The following ATRNL1 variants were observed in gnomAD, a reference collection of about 807,000 sequenced individuals.
The protein encoded by ATRNL1 is attractin like 1, also known as attractin-like protein 1.
ATRNL1 carries 95 observed loss-of-function variants against 182.7 expected under a neutral mutation model. That is an observed-to-expected ratio of 0.52 (90% CI 0.44 to 0.62). The LOEUF (loss-of-function observed/expected upper bound fraction) is 0.62. Ranked by LOEUF, ATRNL1 falls within the 20% of genes least tolerant of loss-of-function variation. The probability of loss-of-function intolerance (pLI) is 0.00; values close to 1 mark genes in which losing one functional copy is unlikely to be tolerated. For missense variants in ATRNL1, 1,471 were observed against 1,679.5 expected (o/e 0.88, Z 2.17); for synonymous variants, 576 against 568.3 (o/e 1.01, Z -0.19).
chr10:115,290,436 C>T (rs1554920494), intron 15 of ATRNL1, among the ~76,000 whole-genome samples: 1 of 152,156 alleles, frequency 6.6e-6, no homozygotes, highest in Non-Finnish European at 1.5e-5. Context: ...GAATGGATCA[C>T]CTGAGATCAG....
intron 26 of ATRNL1, among the ~76,000 whole-genome samples, chr10:115,580,837 C>A (rs1226380941): frequency 6.6e-6 from 1 of 151,988 alleles, no homozygotes; most frequent in Non-Finnish European, 1.5e-5. Context: ...ATAGAGTCCT[C>A]TATTGATTTT....
intron 26 of ATRNL1, among the ~76,000 whole-genome samples, chr10:115,693,903 T>C (rs1946471406): frequency 6.6e-6 from 1 of 152,066 alleles, no homozygotes; most frequent in African/African-American, 2.4e-5. Flanking sequence ...AAACAGCACA[T>C]GGTTATCTTT....
At chr10:115,500,561 G>T (rs1272110898) in intron 24 of ATRNL1, among the ~76,000 whole-genome samples, 4 of 149,504 alleles carry the variant, frequency 2.7e-5, no homozygotes, top group Non-Finnish European at 5.9e-5. Context: ...TTTTTTTTTT[G>T]AAATGGAGTT....
intron 27 of ATRNL1, among the ~76,000 whole-genome samples, chr10:115,841,480 T>C (rs191939507): frequency 6.6e-6 from 1 of 152,228 alleles, no homozygotes; most frequent in Non-Finnish European, 1.5e-5. Context: ...TTTGGTAGGA[T>C]ATGAAAATGA....
At chr10:115,133,706 A>G (rs1417647941) in intron 5 of ATRNL1, among the ~76,000 whole-genome samples, 2 of 152,194 alleles carry the variant, frequency 1.3e-5, no homozygotes, top group African/African-American at 4.8e-5. Context: ...CCTAATAGAC[A>G]TCTACAGAAC....
At chr10:115,363,289 T>C (rs1329148847) in intron 19 of ATRNL1, among the ~76,000 whole-genome samples, 1 of 152,190 alleles carries the variant, frequency 6.6e-6, no homozygotes, top group Non-Finnish European at 1.5e-5. Flanking sequence ...CATTTTTTCA[T>C]GTGTCTTTTG....
At chr10:115,925,540 G>T (rs781790588) in intron 28 of ATRNL1, among the ~76,000 whole-genome samples, 7 of 151,862 alleles carry the variant, frequency 4.6e-5, no homozygotes, top group Non-Finnish European at 8.8e-5. Context: ...ACACACATAG[G>T]CTCAAAATAA....
intron 24 of ATRNL1, among the ~76,000 whole-genome samples, chr10:115,470,964 A>T (rs144228264): frequency 1.4e-3 from 206 of 150,862 alleles, no homozygotes; most frequent in African/African-American, 4.7e-3. Context: ...ATGATTTTAA[A>T]TACTGGCAGC....
intron 22 of ATRNL1, among the ~76,000 whole-genome samples, chr10:115,464,162 T>C (rs781941223): frequency 1.3e-5 from 2 of 152,052 alleles, no homozygotes; most frequent in African/African-American, 2.4e-5. Context: ...ATAACTGTCA[T>C]GAGAGGCATC....
chr10:115,775,610 T>C (rs1406084210), intron 27 of ATRNL1, among the ~76,000 whole-genome samples: 1 of 152,130 alleles, frequency 6.6e-6, no homozygotes, highest in African/African-American at 2.4e-5. Context: ...AAGGAGTCAG[T>C]GCAATAATTT....
chr10:115,300,188 G>A lies in ATRNL1; in HGVS notation c.2570G>A (p.Gly857Asp). 6.2e-7 allele frequency: 1 copy of A among 1,614,068 alleles called. No individual in the cohort carries two copies. The highest frequency in any genetic ancestry group is 8.5e-7 in the Non-Finnish European group (1 of 1,179,952). The change falls in exon 16 of 29, where the codon GGC becomes GAC. Residue 857 changes from glycine to aspartate, a missense_variant. Gly to Asp is a moderately conservative substitution (Grantham distance 94, BLOSUM62 -1). Around this residue, in one of 3 missense-constraint regions of ATRNL1, gnomAD observed 1,031 missense variants for 1,156.0 expected, o/e 0.89. Transcript: ENST00000355044. ...CAYLERAAVA[G>D]LKANPCTSMA... ...TATCTGGAAAGGGCTGCAGTGGCAG[G>A]CTTAAAAGCTAATCCTTGTACATCT...
At chr10:115,681,183 TTGAA>T (rs1448322085) in intron 26 of ATRNL1, among the ~76,000 whole-genome samples, 1 of 152,116 alleles carries the variant, frequency 6.6e-6, no homozygotes, top group African/African-American at 2.4e-5. Flanking sequence ...AAATATAACT[TTGAA>T]TGTCAATTAA....
intron 27 of ATRNL1, among the ~76,000 whole-genome samples, chr10:115,749,601 C>G (rs140430794): frequency 5.3e-5 from 8 of 151,980 alleles, no homozygotes; most frequent in Non-Finnish European, 7.4e-5. Flanking sequence ...ATGTTTAAAA[C>G]TGATCTTTTA....
At chr10:115,203,050 T>G (rs1252606862) in intron 8 of ATRNL1, among the ~76,000 whole-genome samples, 2 of 152,154 alleles carry the variant, frequency 1.3e-5, no homozygotes, top group Non-Finnish European at 2.9e-5. Flanking sequence ...CTGATGGTAG[T>G]TTGTATTTCT....
At chr10:115,527,373 G>C (rs1037477251) in intron 25 of ATRNL1, among the ~76,000 whole-genome samples, 1 of 151,974 alleles carries the variant, frequency 6.6e-6, no homozygotes. Flanking sequence ...CGCTCACCTC[G>C]GCCTTCCAAA....
chr10:115,325,074 G>T (rs1854800661), intron 18 of ATRNL1, among the ~76,000 whole-genome samples: 1 of 152,080 alleles, frequency 6.6e-6, no homozygotes, highest in Non-Finnish European at 1.5e-5. Context: ...CGCATCTGTT[G>T]CAGAGTAACT....
At chr10:115,828,093 G>A (rs1279476649) in intron 27 of ATRNL1, among the ~76,000 whole-genome samples, 2 of 152,098 alleles carry the variant, frequency 1.3e-5, no homozygotes, top group African/African-American at 2.4e-5. Context: ...CGAGGTGGGC[G>A]GATCACCTGA....
rs370336257 is a variant in ATRNL1, at chr10:115,260,782, A to G, written c.1688-4411A>G. ...AAATTAAAATTAGGAAAACAAATCA[A>G]TGATTTGAAGATAAAGTGAAGAATC... On this transcript the variant is annotated intron_variant, in intron 10 of 28. Coordinates refer to ENST00000355044, the MANE Select transcript of ATRNL1 (RefSeq NM_207303.4). Among the ~76,000 whole-genome samples the G allele has an allele frequency of 8.1e-4, 124 of 152,272 alleles. 2 individuals are homozygous for G. In the South Asian group the frequency reaches 0.025, roughly 30 times the overall value.
intron 20 of ATRNL1, among the ~76,000 whole-genome samples, chr10:115,397,281 G>T (rs924735887): frequency 1.3e-5 from 2 of 151,880 alleles, no homozygotes; most frequent in Non-Finnish European, 2.9e-5. Context: ...CCAAAATACA[G>T]TATACCAATT....
Sources: allele counts gnomAD v4.1 joint callset (sites outside exome capture counted in the v4.1 genomes callset), GRCh38; gene constraint gnomAD v4.1.1; regional missense constraint gnomAD v4.1.1; transcripts MANE v1.5; gene names NCBI Gene and HGNC (gene_info 2026-07-23, HGNC 2026-07-21).